LSAMP: variants seen among roughly 807,000 people sequenced by gnomAD.
The protein encoded by LSAMP is limbic system-associated membrane protein.
LSAMP carries 7 observed loss-of-function variants against 38.6 expected under a neutral mutation model. The observed-to-expected ratio is 0.18, with a 90% CI of 0.10 to 0.34. The LOEUF (loss-of-function observed/expected upper bound fraction) is 0.34, where lower values mean the gene tolerates loss of function less well. Ranked by LOEUF, LSAMP falls within the 10% of genes least tolerant of loss-of-function variation. The pLI is 1.00. For synonymous variants in LSAMP, 154 were observed against 166.8 expected, an observed-to-expected ratio of 0.92 and a Z score of 0.59; for missense variants, 313 against 420.0, an observed-to-expected ratio of 0.75 and a Z score of 2.23.
intron 2 of LSAMP, among the ~76,000 whole-genome samples, chr3:116,075,687 C>G (rs1707726134): frequency 6.6e-6 from 1 of 151,506 alleles, no homozygotes; most frequent in Non-Finnish European, 1.5e-5. Context: ...ACTACAGGCC[C>G]ACGCCACCAC....
At chr3:116,257,423 C>T (rs1382866937) in intron 1 of LSAMP, among the ~76,000 whole-genome samples, 1 of 151,850 alleles carries the variant, frequency 6.6e-6, no homozygotes, top group Admixed American at 6.6e-5. Flanking sequence ...TGCTTTTTAA[C>T]ATTGTTTGGA....
At chr3:116,310,474 A>C (rs562772116) in intron 1 of LSAMP, among the ~76,000 whole-genome samples, 1 of 152,182 alleles carries the variant, frequency 6.6e-6, no homozygotes, top group East Asian at 1.9e-4. Flanking sequence ...TGACAGAGTG[A>C]GGCACAGGCA....
chr3:115,988,037 C>T (rs1180981760), intron 3 of LSAMP, among the ~76,000 whole-genome samples: 1 of 152,156 alleles, frequency 6.6e-6, no homozygotes, highest in Admixed American at 6.6e-5. Context: ...TGGATGACTT[C>T]TTATTCTGCT....
At chr3:116,193,826 A>C (rs1710812248) in intron 1 of LSAMP, among the ~76,000 whole-genome samples, 2 of 152,226 alleles carry the variant, frequency 1.3e-5, no homozygotes, top group Admixed American at 1.3e-4. Context: ...GTTAAACATG[A>C]AAACACCAGC....
chr3:116,255,750 A>G (rs1338958651), intron 1 of LSAMP, among the ~76,000 whole-genome samples: 1 of 152,214 alleles, frequency 6.6e-6, no homozygotes, highest in African/African-American at 2.4e-5. Flanking sequence ...TTCTATGACA[A>G]TTAAGCAAGA....
At chr3:116,416,852 TTAA>T (rs2049058238) in intron 1 of LSAMP, among the ~76,000 whole-genome samples, 1 of 152,026 alleles carries the variant, frequency 6.6e-6, no homozygotes, top group Non-Finnish European at 1.5e-5. Context: ...AGCAAGTGTC[TTAA>T]TAATAACTAA....
At chr3:116,395,928 A>C (rs566340051) in intron 1 of LSAMP, among the ~76,000 whole-genome samples, 8 of 152,310 alleles carry the variant, frequency 5.3e-5, no homozygotes, top group Non-Finnish European at 8.8e-5. Flanking sequence ...AATGGACAGA[A>C]GTGTGAACTC....
intron 3 of LSAMP, among the ~76,000 whole-genome samples, chr3:115,856,078 G>T (rs144460220): frequency 6.6e-6 from 1 of 152,226 alleles, no homozygotes; most frequent in Non-Finnish European, 1.5e-5. Flanking sequence ...GCTCCAGATT[G>T]TAAGTGTTGC....
At chr3:116,199,621 A>C (rs552814240) in intron 1 of LSAMP, among the ~76,000 whole-genome samples, 1 of 152,206 alleles carries the variant, frequency 6.6e-6, no homozygotes, top group Non-Finnish European at 1.5e-5. Context: ...TTATCAGGCA[A>C]ATGTGTAGGC....
chr3:116,414,531 G>GA (rs2049023184), intron 1 of LSAMP, among the ~76,000 whole-genome samples: 1 of 152,062 alleles, frequency 6.6e-6, no homozygotes, highest in Admixed American at 6.6e-5. Flanking sequence ...GAAGCAGACA[G>GA]AGCAATCGTC....
At chr3:116,384,094 G>A (rs1040449200) in intron 1 of LSAMP, among the ~76,000 whole-genome samples, 1 of 151,966 alleles carries the variant, frequency 6.6e-6, no homozygotes, top group Admixed American at 6.6e-5. Flanking sequence ...TCAAGCCAGA[G>A]AATTATTTGG....
At chr3:116,176,094 A>G (rs985356905) in intron 1 of LSAMP, among the ~76,000 whole-genome samples, 2 of 152,146 alleles carry the variant, frequency 1.3e-5, no homozygotes, top group Non-Finnish European at 2.9e-5. Flanking sequence ...AGAGCTTGGC[A>G]TGAGGCTCAA....
At position 115,808,093 on chromosome 3, in the gene LSAMP, C is replaced by G. The variant is rs968912178; in HGVS notation, c.*2224G>C. ...GCCTTCCTTTCCTTTCTCCTTCCTT[C>G]CTTCCTTCCTTCCTTCCTCCCTCCC... On this transcript the variant is annotated 3_prime_UTR_variant, in exon 7 of 7. Transcript: ENST00000490035. 4.1e-5 allele frequency: 4 copies of G among 98,382 alleles called. No individual in the cohort carries two copies. Among genetic ancestry groups the G allele is most frequent in the African/African-American group, 1.9e-4 (4 of 20,706 alleles). 6.1% of individuals were successfully genotyped at this position (98,382 alleles called of 1,614,324 possible).
chr3:115,886,184 C>T (rs760526418), intron 3 of LSAMP, among the ~76,000 whole-genome samples: 4 of 151,894 alleles, frequency 2.6e-5, no homozygotes, highest in Admixed American at 6.6e-5. Flanking sequence ...ACTGGTAATG[C>T]AAATGCTAAT....
intron 3 of LSAMP, among the ~76,000 whole-genome samples, chr3:115,948,172 A>G (rs1464072931): frequency 6.6e-6 from 1 of 152,212 alleles, no homozygotes; most frequent in Admixed American, 6.5e-5. Context: ...AGATACACTC[A>G]TCCTCATAAG....
chr3:116,338,929 A>T (rs1291680092), intron 1 of LSAMP, among the ~76,000 whole-genome samples: 1 of 152,056 alleles, frequency 6.6e-6, no homozygotes, highest in Non-Finnish European at 1.5e-5. Context: ...AGTGATTATC[A>T]ACCAACAGCT....
At chr3:116,312,940 A>T (rs933536298) in intron 1 of LSAMP, among the ~76,000 whole-genome samples, 3 of 150,410 alleles carry the variant, frequency 2.0e-5, no homozygotes, top group Non-Finnish European at 4.4e-5. Flanking sequence ...CTCCAACAAA[A>T]TTTTTATCTA....
intron 3 of LSAMP, among the ~76,000 whole-genome samples, chr3:116,010,005 C>T (rs531409412): frequency 2.0e-5 from 3 of 152,152 alleles, no homozygotes; most frequent in Non-Finnish European, 4.4e-5. Flanking sequence ...GAACCTCCAC[C>T]TCCCAGGTTT....
intron 1 of LSAMP, among the ~76,000 whole-genome samples, chr3:116,228,308 C>A (rs2046364484): frequency 6.6e-6 from 1 of 152,008 alleles, no homozygotes. Context: ...GTAGAAATAA[C>A]ATCCCTAAAT....
Sources: allele counts gnomAD v4.1 joint callset (sites outside exome capture counted in the v4.1 genomes callset), GRCh38; gene constraint gnomAD v4.1.1; transcripts MANE v1.5; gene names NCBI Gene and HGNC (gene_info 2026-07-23, HGNC 2026-07-21).